The following XRCC4 variants were observed in gnomAD, a reference collection of about 807,000 sequenced individuals.
The protein encoded by XRCC4 is X-ray repair cross complementing 4.
A neutral mutation model predicts 39.1 loss-of-function variants in XRCC4; 28 were observed. The observed-to-expected ratio is 0.72, with a 90% CI of 0.53 to 0.98. The LOEUF (loss-of-function observed/expected upper bound fraction) is 0.98. Among genes scored for constraint, XRCC4 ranks in the 50% least tolerant of loss-of-function variants. The pLI is 0.00. For missense variants in XRCC4, 350 were observed against 376.4 expected, an observed-to-expected ratio of 0.93 and a Z score of 0.58; for synonymous variants, 123 against 126.4, an observed-to-expected ratio of 0.97 and a Z score of 0.18.
chr5:83,249,087 AT>A (rs1186765808), intron 6 of XRCC4, among the ~76,000 whole-genome samples: 1 of 152,094 alleles, frequency 6.6e-6, no homozygotes, highest in African/African-American at 2.4e-5. Flanking sequence ...AGAATCAGGG[AT>A]TTTTTTATAC....
chr5:83,276,385 A>G (rs377724156), intron 7 of XRCC4, among the ~76,000 whole-genome samples: 4 of 148,626 alleles, frequency 2.7e-5, no homozygotes, highest in African/African-American at 9.8e-5. Context: ...GAGAGGTGAG[A>G]CCTTTAAGAG....
At chr5:83,150,882 T>G (rs1748671126) in intron 3 of XRCC4, among the ~76,000 whole-genome samples, 1 of 152,162 alleles carries the variant, frequency 6.6e-6, no homozygotes, top group African/African-American at 2.4e-5. Flanking sequence ...TTTTTTATAT[T>G]GTAATTGATA....
At chr5:83,222,442 G>A (rs776610634) in intron 6 of XRCC4, among the ~76,000 whole-genome samples, 2 of 152,042 alleles carry the variant, frequency 1.3e-5, no homozygotes, top group African/African-American at 2.4e-5. Context: ...CATTGTTATT[G>A]TAGTTTGGAT....
intron 3 of XRCC4, among the ~76,000 whole-genome samples, chr5:83,179,774 A>G (rs1750127469): frequency 6.6e-6 from 1 of 152,166 alleles, no homozygotes; most frequent in Non-Finnish European, 1.5e-5. Flanking sequence ...GACTCATGAG[A>G]TGACCTCTAG....
At position 83,309,296 on chromosome 5, in the gene XRCC4, A is replaced by T. The variant is rs56399425; in HGVS notation, c.894-43835A>T. 8.7e-3 allele frequency among the ~76,000 whole-genome samples: 623 copies of T among 71,918 alleles called. 25 individuals carry two copies. The highest frequency in any genetic ancestry group is 0.051 in the African/African-American group (588 of 11,472). The allele number at this position is 71,918 out of a possible 152,430, so 47.2% of individuals were successfully genotyped here. ...AAAAAAAAAAAAAAAAAAAAAAAAA[A>T]ATATATATATATATATATATATATA... On this transcript the variant is annotated intron_variant, in intron 7 of 7. Coordinates refer to ENST00000396027, the MANE Select transcript of XRCC4 (RefSeq NM_003401.5).
At chr5:83,368,644 CA>C in the XRCC4 span, among the ~76,000 whole-genome samples, 1 of 152,184 alleles carries the variant, frequency 6.6e-6, no homozygotes. Context: ...GCTCTGCTTA[CA>C]AAAACTGTGG....
At chr5:83,182,145 G>C (rs1291643483) in intron 3 of XRCC4, among the ~76,000 whole-genome samples, 2 of 152,116 alleles carry the variant, frequency 1.3e-5, no homozygotes, top group Non-Finnish European at 2.9e-5. Flanking sequence ...TGATATTAAT[G>C]AGCAGAGTAT....
chr5:83,099,056 G>T (rs1271141852), intron 1 of XRCC4, among the ~76,000 whole-genome samples: 1 of 152,002 alleles, frequency 6.6e-6, no homozygotes, highest in Non-Finnish European at 1.5e-5. Context: ...TCTCTTTTAA[G>T]AATAAAAATA....
chr5:83,191,629 G>A (rs1008213480), intron 3 of XRCC4, among the ~76,000 whole-genome samples: 3 of 152,146 alleles, frequency 2.0e-5, no homozygotes, highest in African/African-American at 7.2e-5. Flanking sequence ...GAACCCAGGA[G>A]GCAGAGGTTG....
intron 7 of XRCC4, among the ~76,000 whole-genome samples, chr5:83,263,171 A>T (rs1753824138): frequency 2.0e-5 from 3 of 150,216 alleles, no homozygotes; most frequent in Admixed American, 2.0e-4. Flanking sequence ...AAAGGACATG[A>T]ACTCATCATT....
chr5:83,309,319 AT>A (rs1402805699), intron 7 of XRCC4, among the ~76,000 whole-genome samples: 2 of 132,450 alleles, frequency 1.5e-5, no homozygotes, highest in Non-Finnish European at 3.2e-5. Flanking sequence ...ATATATATAT[AT>A]AGGCTATGCT....
At chr5:83,206,621 T>A (rs905698508) in intron 6 of XRCC4, among the ~76,000 whole-genome samples, 1 of 152,048 alleles carries the variant, frequency 6.6e-6, no homozygotes, top group Non-Finnish European at 1.5e-5. Flanking sequence ...GGGAAAGACA[T>A]GGGGCGGCAG....
chr5:83,179,558 T>G (rs577612389), intron 3 of XRCC4, among the ~76,000 whole-genome samples: 3 of 152,294 alleles, frequency 2.0e-5, no homozygotes, highest in African/African-American at 4.8e-5. Context: ...TGGCTCTGTT[T>G]GCAGACTGAC....
intron 3 of XRCC4, among the ~76,000 whole-genome samples, chr5:83,194,930 T>G (rs1035620407): frequency 6.6e-6 from 1 of 152,190 alleles, no homozygotes; most frequent in African/African-American, 2.4e-5. Context: ...AGATTTATCC[T>G]AGTTTATATT....
intron 7 of XRCC4, among the ~76,000 whole-genome samples, chr5:83,287,715 T>A (rs2112969410): frequency 6.6e-6 from 1 of 152,040 alleles, no homozygotes; most frequent in South Asian, 2.1e-4. Context: ...AATAAATGCA[T>A]GTCATATATT....
intron 4 of XRCC4, among the ~76,000 whole-genome samples, chr5:83,200,300 G>C (rs765367169): frequency 6.6e-6 from 1 of 151,954 alleles, no homozygotes; most frequent in African/African-American, 2.4e-5. Flanking sequence ...GTCAGCTCCC[G>C]CTCCCCCACT....
chr5:83,152,611 C>T lies in XRCC4; in HGVS notation c.315+41408C>T, dbSNP rs192447402. Reference sequence around the variant, plus strand: ...TTGTGCCACTGCACTCCAGCCTGGACGACAAAGTGAGATCCTGTCTCAAAA... The same window carrying T: ...TTGTGCCACTGCACTCCAGCCTGGATGACAAAGTGAGATCCTGTCTCAAAA... On this transcript the variant is annotated intron_variant, in intron 3 of 7. Coordinates refer to ENST00000396027, the MANE Select transcript of XRCC4 (RefSeq NM_003401.5). Among the ~76,000 whole-genome samples, 997 of 133,752 alleles carry T rather than the reference C, an allele frequency of 7.5e-3. 2 individuals carry two copies. The highest frequency in any genetic ancestry group is 9.8e-3 in the Non-Finnish European group (635 of 64,812). The allele number at this position is 133,752 out of a possible 152,430, so 87.7% of individuals were successfully genotyped here.
At chr5:83,368,278 T>C in the XRCC4 span, among the ~76,000 whole-genome samples, 2 of 152,190 alleles carry the variant, frequency 1.3e-5, no homozygotes, top group Non-Finnish European at 2.9e-5. Flanking sequence ...ATCTCCAAAA[T>C]GCAGTCAATC....
At chr5:83,079,452 C>T (rs1744834529) in intron 1 of XRCC4, among the ~76,000 whole-genome samples, 1 of 152,094 alleles carries the variant, frequency 6.6e-6, no homozygotes, top group African/African-American at 2.4e-5. Context: ...TGCAGTGAAT[C>T]CTCATTTAAA....
Sources: allele counts gnomAD v4.1 joint callset (sites outside exome capture counted in the v4.1 genomes callset), GRCh38; gene constraint gnomAD v4.1.1; transcripts MANE v1.5; gene names NCBI Gene and HGNC (gene_info 2026-07-23, HGNC 2026-07-21).